DLGAP1: variants seen among roughly 807,000 people sequenced by gnomAD.
DLGAP1 encodes DLG associated protein 1, also known as disks large-associated protein 1.
In DLGAP1, 11 loss-of-function variants were observed where a neutral mutation model predicts 90.8. The ratio of observed to expected loss-of-function variants is 0.12; its 90% confidence interval spans 0.08 to 0.20. The LOEUF is 0.20. Among genes scored for constraint, DLGAP1 ranks in the 10% least tolerant of loss-of-function variants. The pLI is 1.00. For missense variants in DLGAP1, 1,050 were observed against 1,333.8 expected (o/e 0.79, Z 3.31); for synonymous variants, 558 against 540.7 (o/e 1.03, Z -0.44).
intron 2 of DLGAP1, among the ~76,000 whole-genome samples, chr18:4,125,951 C>G (rs868034574): frequency 1.1e-4 from 17 of 152,280 alleles, no homozygotes; most frequent in Admixed American, 7.8e-4. Flanking sequence ...AAACAAAAAA[C>G]TAAGGGCACA....
chr18:4,161,973 C>T (rs1054059224), intron 1 of DLGAP1, among the ~76,000 whole-genome samples: 3 of 152,130 alleles, frequency 2.0e-5, no homozygotes, highest in African/African-American at 7.2e-5. Flanking sequence ...AGGTCTTCAT[C>T]CCATACAACA....
intron 2 of DLGAP1, among the ~76,000 whole-genome samples, chr18:4,144,451 G>A (rs1442512692): frequency 6.6e-6 from 1 of 152,144 alleles, no homozygotes; most frequent in Non-Finnish European, 1.5e-5. Flanking sequence ...CAGGCACACC[G>A]ATTTCCTCTC....
At chr18:3,911,511 T>C (rs1482469599) in intron 3 of DLGAP1, among the ~76,000 whole-genome samples, 1 of 152,230 alleles carries the variant, frequency 6.6e-6, no homozygotes, top group Non-Finnish European at 1.5e-5. Context: ...TTAGAACATT[T>C]GGAATAACTA....
In DLGAP1 at chr18:3,752,213, C is replaced by T. The variant is rs527407170; in HGVS notation, c.1173-9701G>A. ...AAGTTTTATTGTGATATAATTTATA[C>T]ACAGTACCATAAAAGTCACCCTTTT... On this transcript the variant is annotated intron_variant, in intron 5 of 12. Coordinates refer to ENST00000315677, the MANE Select transcript of DLGAP1 (RefSeq NM_004746.4). 2.0e-5 allele frequency among the ~76,000 whole-genome samples: 3 copies of T among 152,290 alleles called. No homozygotes were observed. The East Asian group carries it at 5.8e-4, about 29-fold the overall frequency.
intron 8 of DLGAP1, among the ~76,000 whole-genome samples, chr18:3,574,855 C>T (rs1406628408): frequency 6.7e-6 from 1 of 149,950 alleles, no homozygotes; most frequent in Non-Finnish European, 1.5e-5. Context: ...GGCTCTGTCG[C>T]CCAGGCTGGA....
At chr18:4,331,377 G>C (rs1476059866) in intron 1 of DLGAP1, among the ~76,000 whole-genome samples, 1 of 151,546 alleles carries the variant, frequency 6.6e-6, no homozygotes, top group Non-Finnish European at 1.5e-5. Context: ...ACCCATCAAG[G>C]GGATCCTAGT....
rs2143654642 is a variant in DLGAP1 at position 4,084,174 on chromosome 18, T to A, written c.-159+67006A>T. Among the ~76,000 whole-genome samples the A allele has an allele frequency of 6.6e-6, 1 of 152,296 alleles. No individual in the cohort carries two copies. The highest frequency in any genetic ancestry group is 1.5e-5 in the Non-Finnish European group (1 of 68,032). ...TGTTTGAGCAGCCCTGTGATTAAAC[T>A]TCCTTCTCTGCTGCAACCTGGTGTC... On this transcript the variant is annotated intron_variant, in intron 2 of 12. Transcript: ENST00000315677. The surrounding 1 kb of genome is among the most constrained non-coding windows in gnomAD (Gnocchi z 4.0).
At chr18:3,638,636 T>C (rs914316931) in intron 7 of DLGAP1, among the ~76,000 whole-genome samples, 21 of 152,210 alleles carry the variant, frequency 1.4e-4, no homozygotes, top group African/African-American at 5.1e-4. Context: ...GATGACATCT[T>C]AATGAGATAT....
At chr18:4,337,979 G>C (rs2081109587) in intron 1 of DLGAP1, among the ~76,000 whole-genome samples, 2 of 152,092 alleles carry the variant, frequency 1.3e-5, no homozygotes, top group African/African-American at 4.8e-5. Context: ...AGTGGCATTT[G>C]AAACACCACA....
At chr18:3,869,503 C>T in intron 4 of DLGAP1, among the ~76,000 whole-genome samples, 1 of 152,180 alleles carries the variant, frequency 6.6e-6, no homozygotes, top group East Asian at 1.9e-4. Context: ...CTACAGTAAG[C>T]CATGATCACA....
chr18:4,309,673 T>A (rs1178769281), intron 1 of DLGAP1, among the ~76,000 whole-genome samples: 2 of 152,162 alleles, frequency 1.3e-5, no homozygotes, highest in African/African-American at 2.4e-5. Flanking sequence ...AGCAACATGA[T>A]GTCTTAGAGA....
intron 4 of DLGAP1, among the ~76,000 whole-genome samples, chr18:3,836,554 T>G (rs2068394654): frequency 6.6e-6 from 1 of 152,164 alleles, no homozygotes; most frequent in South Asian, 2.1e-4. Flanking sequence ...ATTTGTCCAC[T>G]GAGGAGGAAT....
chr18:3,538,291 A>T (rs949704384), intron 9 of DLGAP1, among the ~76,000 whole-genome samples: 3 of 151,786 alleles, frequency 2.0e-5, no homozygotes, highest in African/African-American at 4.8e-5. Flanking sequence ...GCCAAAGTTG[A>T]CCCATTTGCT....
rs570814382 is a variant in DLGAP1 at position 3,848,238 on chromosome 18, G to T, written c.957+30874C>A. On this transcript the variant is annotated intron_variant, in intron 4 of 12. Transcript: ENST00000315677. ...TAGAATGAGGAAAATCCCAAGGCTT[G>T]TTCCAGATGGTACAATGTGAACAGA... Among the ~76,000 whole-genome samples, 15 of 148,550 alleles carry T rather than the reference G, an allele frequency of 1.0e-4. No individual in the cohort carries two copies. The South Asian group carries it at 2.4e-3, about 24-fold the overall frequency.
intron 1 of DLGAP1, among the ~76,000 whole-genome samples, chr18:4,252,362 G>A (rs34243412): frequency 0.082 from 12,421 of 152,174 alleles, 827 homozygotes; most frequent in African/African-American, 0.19. Flanking sequence ...GCAATTTGGG[G>A]GAAGGGATAT....
intron 1 of DLGAP1, among the ~76,000 whole-genome samples, chr18:4,275,737 A>T (rs2079397459): frequency 6.6e-6 from 1 of 152,176 alleles, no homozygotes; most frequent in South Asian, 2.1e-4. Flanking sequence ...GTTAAAATTT[A>T]TGTGTTCACT....
chr18:4,439,828 G>T (rs187085377), intron 1 of DLGAP1, among the ~76,000 whole-genome samples: 1 of 151,784 alleles, frequency 6.6e-6, no homozygotes, highest in East Asian at 1.9e-4. Flanking sequence ...TTTAAAAAAA[G>T]AAAAAAATGG....
intron 1 of DLGAP1, among the ~76,000 whole-genome samples, chr18:4,164,022 G>A (rs766555565): frequency 3.9e-5 from 6 of 152,102 alleles, no homozygotes; most frequent in Non-Finnish European, 7.4e-5. Flanking sequence ...GTACTAGCAC[G>A]GGTGAGTGGA....
chr18:3,753,403 G>A (rs1352679068), intron 5 of DLGAP1, among the ~76,000 whole-genome samples: 2 of 152,052 alleles, frequency 1.3e-5, no homozygotes, highest in African/African-American at 2.4e-5. Context: ...ATCTCCCCTC[G>A]AAAGCCTGGA....
Sources: allele counts gnomAD v4.1 joint callset (sites outside exome capture counted in the v4.1 genomes callset), GRCh38; gene constraint gnomAD v4.1.1; non-coding constraint Gnocchi (gnomAD v3.1); transcripts MANE v1.5; gene names NCBI Gene and HGNC (gene_info 2026-07-23, HGNC 2026-07-21).